FZD3: variants seen among roughly 807,000 people sequenced by gnomAD.
FZD3 encodes frizzled-3.
Under a neutral mutation model 60.7 loss-of-function variants are expected in FZD3, and 30 were observed. The ratio of observed to expected loss-of-function variants is 0.49; its 90% CI spans 0.37 to 0.67. The LOEUF (loss-of-function observed/expected upper bound fraction) is 0.67, where lower values mean the gene tolerates loss of function less well. Among genes scored for constraint, FZD3 ranks in the 30% least tolerant of loss-of-function variants. The pLI, the probability that FZD3 is intolerant of heterozygous loss-of-function variation, is 0.00. For missense variants in FZD3, 605 were observed against 838.7 expected (o/e 0.72, Z 3.44); for synonymous variants, 246 against 275.2 (o/e 0.89, Z 1.05).
At chr8:28,499,202 A>G (rs1803925842) in intron 1 of FZD3, among the ~76,000 whole-genome samples, 1 of 152,208 alleles carries the variant, frequency 6.6e-6, no homozygotes, top group African/African-American at 2.4e-5. Context: ...TTTTTAAACA[A>G]TCGAAATAGT....
chr8:28,558,312 T>C (rs13260884), intron 7 of FZD3, among the ~76,000 whole-genome samples: 80,807 of 152,074 alleles, frequency 0.53, 22,004 homozygotes, highest in South Asian at 0.63. Flanking sequence ...CTGAAAATAC[T>C]GATAAGGAGG....
intron 5 of FZD3, among the ~76,000 whole-genome samples, chr8:28,535,158 A>G (rs1293093175): frequency 4.6e-5 from 7 of 152,232 alleles, no homozygotes; most frequent in Non-Finnish European, 1.0e-4. Context: ...CATAATTTGA[A>G]GAAAAATTGG....
rs1805837283 is a variant in FZD3, at chr8:28,573,264, T to C, written c.*10253T>C. The C allele has an allele frequency of 6.6e-6, 1 of 152,200 alleles. No individual in the cohort carries two copies. Among genetic ancestry groups the C allele is most frequent in the Non-Finnish European group, 1.5e-5 (1 of 68,028 alleles). The allele number at this position is 152,200 out of a possible 1,614,324, so 9.4% of individuals were successfully genotyped here. A position where few individuals can be genotyped will look rare whatever the true frequency, so the allele number is the denominator to read the frequency against. Reference sequence around the variant, plus strand: ...TAATTTATATTAAAGTGTTAGTGACTATAGCCCTTTTATCTCTCTTAAAGA... The same window carrying C: ...TAATTTATATTAAAGTGTTAGTGACCATAGCCCTTTTATCTCTCTTAAAGA... On this transcript the variant is annotated 3_prime_UTR_variant, in exon 8 of 8. Coordinates refer to ENST00000240093, the MANE Select transcript of FZD3 (RefSeq NM_017412.4).
chr8:28,542,051 A>G (rs551077831), intron 5 of FZD3, among the ~76,000 whole-genome samples: 61 of 151,800 alleles, frequency 4.0e-4, no homozygotes, highest in African/African-American at 1.4e-3. Context: ...GGTTTGTACA[A>G]AACCCTCCAG....
chr8:28,555,760 G>T lies in FZD3; in HGVS notation c.1576G>T (p.Val526Leu). The change falls in exon 7 of 8, where the codon GTA (valine) becomes TTA (leucine). Residue 526 changes from valine to leucine, a missense_variant. Coordinates refer to ENST00000240093, the MANE Select transcript of FZD3 (RefSeq NM_017412.4). ...KKEIVNESRQVLQEPDFAQSL... is the reference protein window; with the variant it reads ...KKEIVNESRQLLQEPDFAQSL... ...TAGGATAGTGAATGAGAGCCGACAGGTACTCCAGGAACCTGATTTTGCTCA... is the reference window on the plus strand; with the variant it reads ...TAGGATAGTGAATGAGAGCCGACAGTTACTCCAGGAACCTGATTTTGCTCA... 2 of 1,609,996 alleles carry T rather than the reference G, an allele frequency of 1.2e-6. No homozygotes were observed. Among genetic ancestry groups the T allele is most frequent in the Non-Finnish European group, 1.7e-6 (2 of 1,176,248 alleles).
chr8:28,520,421 A>G (rs1251870400), intron 3 of FZD3, among the ~76,000 whole-genome samples: 1 of 152,134 alleles, frequency 6.6e-6, no homozygotes, highest in Admixed American at 6.6e-5. Context: ...TAAACTATAC[A>G]TATAGATTCT....
At chr8:28,496,403 C>G (rs1803843981) in intron 1 of FZD3, among the ~76,000 whole-genome samples, 1 of 152,024 alleles carries the variant, frequency 6.6e-6, no homozygotes, top group African/African-American at 2.4e-5. Context: ...CTTCTTTGAG[C>G]GGTTTTGGCC....
chr8:28,511,901 T>C (rs1191204288), intron 3 of FZD3, among the ~76,000 whole-genome samples: 1 of 152,206 alleles, frequency 6.6e-6, no homozygotes, highest in African/African-American at 2.4e-5. Flanking sequence ...ACCTCACACA[T>C]AGTAACTGCT....
chr8:28,500,420 GT>G (rs1803957466), intron 2 of FZD3, among the ~76,000 whole-genome samples: 1 of 152,178 alleles, frequency 6.6e-6, no homozygotes, highest in African/African-American at 2.4e-5. Context: ...ATATTGCTCA[GT>G]TTCTTCTTCA....
At chr8:28,555,648 C>T in intron 6 of FZD3, 90 bp from the exon 7 acceptor site, 1 of 765,418 alleles carries the variant, frequency 1.3e-6, no homozygotes, top group Non-Finnish European at 2.3e-6. Flanking sequence ...CAATTAATTT[C>T]AAGAATAATA....
At chr8:28,517,203 T>A (rs552156247) in intron 3 of FZD3, among the ~76,000 whole-genome samples, 1 of 152,242 alleles carries the variant, frequency 6.6e-6, no homozygotes. Flanking sequence ...TTGTAAATAA[T>A]ATTTTTACTG....
At chr8:28,503,250 G>A (rs1356152112) in intron 3 of FZD3, 48 bp downstream of exon 3, 1 of 1,181,386 alleles carries the variant, frequency 8.5e-7, no homozygotes. Flanking sequence ...TGACTCTTGT[G>A]TTGTCCCATC....
Position 28,573,604 on chromosome 8 carries a change from A to C in FZD3, c.*10593A>C, listed in dbSNP as rs1283697777. The C allele has an allele frequency of 6.7e-6, 1 of 150,050 alleles. No individual in the cohort carries two copies. The highest frequency in any genetic ancestry group is 1.9e-4 in the East Asian group (1 of 5,140). The allele number at this position is 150,050 out of a possible 1,614,324, so 9.3% of individuals were successfully genotyped here. On this transcript the variant is annotated 3_prime_UTR_variant, in exon 8 of 8. Coordinates refer to ENST00000240093, the MANE Select transcript of FZD3 (RefSeq NM_017412.4). ...AAGCGCAATGCCTGAAGCATCCTAG[A>C]TCTCCTTCACCCTCATTCTACCTGA...
chr8:28,557,305 TG>T (rs1351034154), intron 7 of FZD3, among the ~76,000 whole-genome samples: 5 of 151,148 alleles, frequency 3.3e-5, no homozygotes, highest in Admixed American at 6.6e-5. Context: ...TTTTTTGGGG[TG>T]TTTTTTTTTA....
chr8:28,522,238 A>G lies in FZD3; in HGVS notation c.386+1404A>G, dbSNP rs548533431. Among the ~76,000 whole-genome samples the G allele has an allele frequency of 9.3e-5, 14 of 151,186 alleles. No individual in the cohort carries two copies. The East Asian group carries it at 2.7e-3, about 29-fold the overall frequency. On this transcript the variant is annotated intron_variant, in intron 4 of 7. Coordinates refer to ENST00000240093, the MANE Select transcript of FZD3 (RefSeq NM_017412.4). Reference sequence around the variant, plus strand: ...TCCTGCCTTAGCCTCATGGATACCAATTTGTTTTCTTACAAACATTATAAC... The same window carrying G: ...TCCTGCCTTAGCCTCATGGATACCAGTTTGTTTTCTTACAAACATTATAAC...
At chr8:28,553,644 C>G (rs745600192) in intron 6 of FZD3, among the ~76,000 whole-genome samples, 1 of 152,132 alleles carries the variant, frequency 6.6e-6, no homozygotes, top group Non-Finnish European at 1.5e-5. Flanking sequence ...CTCAGGGGCC[C>G]TTCCATTTGG....
intron 1 of FZD3, among the ~76,000 whole-genome samples, chr8:28,494,760 G>A (rs949655744): frequency 6.6e-6 from 1 of 152,058 alleles, no homozygotes; most frequent in Non-Finnish European, 1.5e-5. Context: ...GCGCGGCGGA[G>A]AGAGGGGCCC....
intron 5 of FZD3, 30 bp from the exon 6 acceptor site, chr8:28,551,573 T>A (rs777812900): frequency 6.6e-7 from 1 of 1,512,082 alleles, no homozygotes; most frequent in African/African-American, 1.4e-5. Context: ...TTTTTATATA[T>A]TTAAGATGCT....
intron 3 of FZD3, among the ~76,000 whole-genome samples, 194 bp downstream of exon 3, chr8:28,503,396 A>G (rs976704425): frequency 2.0e-5 from 3 of 152,176 alleles, no homozygotes; most frequent in Non-Finnish European, 4.4e-5. Flanking sequence ...GGTGAATGTT[A>G]CTCTTATATT....
Sources: allele counts gnomAD v4.1 joint callset (sites outside exome capture counted in the v4.1 genomes callset), GRCh38; gene constraint gnomAD v4.1.1; transcripts MANE v1.5; gene names NCBI Gene and HGNC (gene_info 2026-07-23, HGNC 2026-07-21).